The following LRBA variants were observed in gnomAD, a reference collection of about 807,000 sequenced individuals.
LRBA encodes the protein lipopolysaccharide-responsive and beige-like anchor protein.
LRBA carries 176 observed loss-of-function variants against 330.0 expected under a neutral mutation model. The ratio of observed to expected loss-of-function variants is 0.53; its 90% CI spans 0.47 to 0.60. The LOEUF (loss-of-function observed/expected upper bound fraction) is 0.60, where lower values mean the gene tolerates loss of function less well. Ranked by LOEUF, LRBA falls within the 20% of genes least tolerant of loss-of-function variation. The pLI is 0.00. For synonymous variants in LRBA, 1,230 were observed against 1,193.0 expected (o/e 1.03, Z -0.64); for missense variants, 3,259 against 3,444.8 (o/e 0.95, Z 1.35).
At chr4:150,429,361 C>T (rs1029595781) in intron 46 of LRBA, among the ~76,000 whole-genome samples, 2 of 151,804 alleles carry the variant, frequency 1.3e-5, no homozygotes, top group African/African-American at 2.4e-5. Flanking sequence ...CCAAGCAGAC[C>T]CTGTTTAGCT....
At position 150,363,167 on chromosome 4, in the gene LRBA, C is replaced by G. The variant is rs528728912; in HGVS notation, c.7195-13008G>C. Among the ~76,000 whole-genome samples, 11 of 151,984 alleles carry G rather than the reference C, an allele frequency of 7.2e-5. No individual in the cohort carries two copies. In the South Asian group the frequency reaches 2.1e-3, roughly 29 times the overall value. On this transcript the variant is annotated intron_variant, in intron 47 of 56. Transcript: ENST00000651943. Reference sequence around the variant, plus strand: ...CAAAACAAAACAAAAAACAGTTTAGCTCATGTACAGTACTATAACCTTGAT... The same window carrying G: ...CAAAACAAAACAAAAAACAGTTTAGGTCATGTACAGTACTATAACCTTGAT...
At chr4:150,768,340 C>G (rs1736065718) in intron 34 of LRBA, among the ~76,000 whole-genome samples, 1 of 152,054 alleles carries the variant, frequency 6.6e-6, no homozygotes, top group Admixed American at 6.6e-5. Context: ...GAATTGAAGG[C>G]ACTGAGTACA....
chr4:150,505,913 G>A lies in LRBA; in HGVS notation c.6331-14878C>T, dbSNP rs188416519. 3.0e-3 allele frequency among the ~76,000 whole-genome samples: 461 copies of A among 152,258 alleles called. 11 individuals are homozygous for A. The highest frequency in any genetic ancestry group is 4.9e-4 in the Non-Finnish European group (33 of 68,024). ...AGGGGATATCACCACCGATCCCACA[G>A]AAATACAAACTACCATCAGAGAATA... On this transcript the variant is annotated intron_variant, in intron 40 of 56. Coordinates refer to ENST00000651943, the MANE Select transcript of LRBA (RefSeq NM_001364905.1).
At chr4:150,538,293 C>G (rs1764900641) in intron 40 of LRBA, among the ~76,000 whole-genome samples, 2 of 152,124 alleles carry the variant, frequency 1.3e-5, no homozygotes. Context: ...TGGATATATA[C>G]TCTAAAGAAA....
At chr4:150,935,803 C>T (rs1464754798) in intron 2 of LRBA, among the ~76,000 whole-genome samples, 1 of 151,816 alleles carries the variant, frequency 6.6e-6, no homozygotes, top group Non-Finnish European at 1.5e-5. Context: ...AGTGTCATCA[C>T]AAGCATTAAA....
intron 31 of LRBA, among the ~76,000 whole-genome samples, chr4:150,814,786 G>T (rs1046447552): frequency 1.1e-4 from 17 of 152,082 alleles, no homozygotes; most frequent in Admixed American, 1.1e-3. Flanking sequence ...TGGATCAATG[G>T]TATAGGGTTT....
chr4:150,455,407 A>T (rs1480064719), intron 44 of LRBA, among the ~76,000 whole-genome samples: 1 of 152,042 alleles, frequency 6.6e-6, no homozygotes, highest in Non-Finnish European at 1.5e-5. Flanking sequence ...GATAGGCTGG[A>T]TTAAGAAAAT....
intron 37 of LRBA, among the ~76,000 whole-genome samples, chr4:150,653,331 A>G (rs1779883852): frequency 6.6e-6 from 1 of 152,222 alleles, no homozygotes; most frequent in South Asian, 2.1e-4. Context: ...AGATTTTGTA[A>G]TGAGTATCAT....
At chr4:150,407,921 A>C (rs1746426605) in intron 47 of LRBA, among the ~76,000 whole-genome samples, 1 of 152,150 alleles carries the variant, frequency 6.6e-6, no homozygotes, top group African/African-American at 2.4e-5. Flanking sequence ...ATAACGAGAA[A>C]ATTGTAATTG....
At chr4:150,459,310 CA>C (rs1754469532) in intron 44 of LRBA, among the ~76,000 whole-genome samples, 1 of 151,724 alleles carries the variant, frequency 6.6e-6, no homozygotes, top group Admixed American at 6.6e-5. Flanking sequence ...AAAATTTCTC[CA>C]AAAAAGTCAA....
At chr4:150,674,929 A>G (rs1782398437) in intron 37 of LRBA, among the ~76,000 whole-genome samples, 1 of 152,140 alleles carries the variant, frequency 6.6e-6, no homozygotes, top group Non-Finnish European at 1.5e-5. Context: ...ACTAATATTA[A>G]GAAGTTGACT....
At chr4:150,963,433 G>A (rs948338088) in intron 2 of LRBA, among the ~76,000 whole-genome samples, 8 of 149,566 alleles carry the variant, frequency 5.3e-5, no homozygotes, top group African/African-American at 7.7e-5. Context: ...GTGGTCTGCC[G>A]GCCTCGGCCT....
intron 40 of LRBA, among the ~76,000 whole-genome samples, chr4:150,499,314 AT>A (rs1561265559): frequency 2.0e-5 from 3 of 152,192 alleles, no homozygotes; most frequent in Non-Finnish European, 4.4e-5. Context: ...AGTTGTGACA[AT>A]AACATGCTAT....
Position 150,555,195 on chromosome 4 carries a change from G to C in LRBA, c.6330+32853C>G, listed in dbSNP as rs138928927. On this transcript the variant is annotated intron_variant, in intron 40 of 56. Transcript: ENST00000651943. ...TTCCATCAACTCTAGGTCTTGTGGT[G>C]AACACTTCAGTTGTTTAATTGTATA... Among the ~76,000 whole-genome samples the C allele has an allele frequency of 2.0e-3, 297 of 152,254 alleles. 1 individual carries two copies. The highest frequency in any genetic ancestry group is 6.9e-3 in the African/African-American group (286 of 41,562).
At chr4:150,361,302 A>T (rs1738657185) in intron 47 of LRBA, among the ~76,000 whole-genome samples, 1 of 152,204 alleles carries the variant, frequency 6.6e-6, no homozygotes, top group Non-Finnish European at 1.5e-5. Flanking sequence ...TTAAGTAGCC[A>T]TGAATACATA....
At chr4:150,826,126 ATT>A (rs1746240663) in intron 30 of LRBA, among the ~76,000 whole-genome samples, 2 of 152,222 alleles carry the variant, frequency 1.3e-5, no homozygotes, top group African/African-American at 4.8e-5. Flanking sequence ...AACTGAAGTC[ATT>A]ATATGTCAAA....
chr4:150,630,916 A>G (rs928568501), intron 37 of LRBA, among the ~76,000 whole-genome samples: 1 of 152,092 alleles, frequency 6.6e-6, no homozygotes, highest in Non-Finnish European at 1.5e-5. Context: ...AACCACCTAT[A>G]AAAACTCTTA....
intron 54 of LRBA, among the ~76,000 whole-genome samples, chr4:150,282,862 C>T (rs557568594): frequency 6.6e-6 from 1 of 152,280 alleles, no homozygotes; most frequent in South Asian, 2.1e-4. Flanking sequence ...GAAGCCAAAC[C>T]ATGTAAGTCC....
chr4:151,008,287 G>A (rs1411470963), intron 2 of LRBA, among the ~76,000 whole-genome samples: 1 of 151,824 alleles, frequency 6.6e-6, no homozygotes, highest in Non-Finnish European at 1.5e-5. Flanking sequence ...ATCCATGTTG[G>A]TCAGGCTGGT....
Sources: allele counts gnomAD v4.1 joint callset (sites outside exome capture counted in the v4.1 genomes callset), GRCh38; gene constraint gnomAD v4.1.1; transcripts MANE v1.5; gene names NCBI Gene and HGNC (gene_info 2026-07-23, HGNC 2026-07-21).